RDH10: variants seen among roughly 807,000 people sequenced by gnomAD.
RDH10 encodes the protein retinol dehydrogenase 10.
In RDH10, 12 loss-of-function variants were observed where a neutral mutation model predicts 30.2. That is an observed-to-expected ratio of 0.40 (90% CI 0.25 to 0.64). The LOEUF is 0.64. Among genes scored for constraint, RDH10 ranks in the 30% least tolerant of loss-of-function variants. The pLI is 0.43. For synonymous variants in RDH10, 189 were observed against 172.2 expected (o/e 1.10, Z -0.76); for missense variants, 268 against 445.2 (o/e 0.60, Z 3.58).
At chr8:73,303,138 C>A (rs1171051668) in intron 2 of RDH10, among the ~76,000 whole-genome samples, 1 of 152,096 alleles carries the variant, frequency 6.6e-6, no homozygotes, top group Non-Finnish European at 1.5e-5. Flanking sequence ...TTATCTATAT[C>A]CAAATGTCTA....
At position 73,294,960 on chromosome 8, in the gene RDH10, C is replaced by G; in HGVS notation, c.-330C>G. On this transcript the variant is annotated 5_prime_UTR_variant, in exon 1 of 6. Coordinates refer to ENST00000240285, the MANE Select transcript of RDH10 (RefSeq NM_172037.5). ...CATGAGGGCAGTTCGAGTAGTCTAACTCGCGGCTGTCACCGCCACTGCAGC... is the reference window on the plus strand; with the variant it reads ...CATGAGGGCAGTTCGAGTAGTCTAAGTCGCGGCTGTCACCGCCACTGCAGC... 2 of 392,000 alleles carry G rather than the reference C, an allele frequency of 5.1e-6. No homozygotes were observed. The allele number at this position is 392,000 out of a possible 1,614,324, so 24.3% of individuals were successfully genotyped here. A position where few individuals can be genotyped will look rare whatever the true frequency, so the allele number is the denominator to read the frequency against.
intron 2 of RDH10, among the ~76,000 whole-genome samples, chr8:73,314,632 A>G (rs917078735): frequency 1.3e-5 from 2 of 152,126 alleles, no homozygotes; most frequent in Admixed American, 6.5e-5. Context: ...AGCTGAGTAA[A>G]TGTTTGACAC....
Position 73,323,130 on chromosome 8 carries a change from A to C in RDH10, c.*94A>C. 9.8e-7 allele frequency: 1 copy of C among 1,017,514 alleles called. No homozygotes were observed. Among genetic ancestry groups the C allele is most frequent in the South Asian group, 1.4e-5 (1 of 69,926 alleles). The allele number at this position is 1,017,514 out of a possible 1,614,324, so 63.0% of individuals were successfully genotyped here. The stretch of plus-strand genomic sequence containing the variant: ...GCATTGCTGACATTTTATGGATTCT[A>C]AACTTGTGTTGTTTCTTTTTTAAAT... On this transcript the variant is annotated 3_prime_UTR_variant, in exon 6 of 6. Coordinates refer to ENST00000240285, the MANE Select transcript of RDH10 (RefSeq NM_172037.5).
chr8:73,321,482 G>A (rs141830852), intron 4 of RDH10, among the ~76,000 whole-genome samples: 2,158 of 152,252 alleles, frequency 0.014, 62 homozygotes, highest in African/African-American at 0.049. Flanking sequence ...AGAGAGTAAC[G>A]TGCCTTTCTT....
chr8:73,297,435 T>C lies in RDH10; in HGVS notation c.525+6T>C. ...ATTGCCATGCACACTTCTGGGTAAA[T>C]ATAAACATCCTTGTTTTCTTTGCTG... On this transcript the variant is annotated splice_donor_region_variant and intron_variant, in intron 2 of 5. Coordinates refer to ENST00000240285, the MANE Select transcript of RDH10 (RefSeq NM_172037.5). 1 of 1,581,002 alleles carries C rather than the reference T, an allele frequency of 6.3e-7. No individual in the cohort carries two copies. The highest frequency in any genetic ancestry group is 8.7e-7 in the Non-Finnish European group (1 of 1,149,906).
intron 1 of RDH10, 66 bp from the exon 2 acceptor site, chr8:73,297,128 G>GTGAC (rs1375077316): frequency 6.6e-6 from 6 of 905,802 alleles, no homozygotes; most frequent in Admixed American, 3.7e-5. Context: ...TGATCGCCAT[G>GTGAC]TGACTCACTT....
intron 2 of RDH10, among the ~76,000 whole-genome samples, chr8:73,314,194 G>A (rs752052725): frequency 6.6e-5 from 10 of 152,300 alleles, no homozygotes; most frequent in Non-Finnish European, 1.5e-4. Context: ...ATAATTCATT[G>A]CAAAGTGCCA....
chr8:73,299,378 G>T (rs780840865), intron 2 of RDH10, among the ~76,000 whole-genome samples: 2 of 152,146 alleles, frequency 1.3e-5, no homozygotes, highest in African/African-American at 2.4e-5. Context: ...ACTTGACATA[G>T]AATTTATCAA....
chr8:73,321,426 T>C (rs2130382781), intron 4 of RDH10, among the ~76,000 whole-genome samples: 1 of 152,362 alleles, frequency 6.6e-6, no homozygotes, highest in East Asian at 1.9e-4. Context: ...AGAAGAAAAT[T>C]CCTTCATGTG....
intron 2 of RDH10, among the ~76,000 whole-genome samples, chr8:73,314,729 T>A (rs1478674383): frequency 2.0e-5 from 3 of 152,198 alleles, no homozygotes; most frequent in Non-Finnish European, 4.4e-5. Context: ...TCCGCGCAGC[T>A]CTTTGGTGGT....
At position 73,295,245 on chromosome 8, in the gene RDH10, G is replaced by C; in HGVS notation, c.-45G>C. On this transcript the variant is annotated 5_prime_UTR_variant, in exon 1 of 6. Coordinates refer to ENST00000240285, the MANE Select transcript of RDH10 (RefSeq NM_172037.5). The stretch of plus-strand genomic sequence containing the variant: ...AGCCCGATTGCCGGGCTCGGGGTGG[G>C]CGCGGACGCAGGCACTGGGCTCGTG... The C allele has an allele frequency of 1.3e-6, 2 of 1,497,116 alleles. No individual in the cohort carries two copies. The highest frequency in any genetic ancestry group is 8.9e-7 in the Non-Finnish European group (1 of 1,126,808). 92.7% of individuals were successfully genotyped at this position (1,497,116 alleles called of 1,614,324 possible).
intron 2 of RDH10, among the ~76,000 whole-genome samples, chr8:73,316,423 C>T (rs1204834217): frequency 6.6e-6 from 1 of 152,122 alleles, no homozygotes; most frequent in Non-Finnish European, 1.5e-5. Context: ...TAAAGTTGAA[C>T]CCATAATAAC....
intron 2 of RDH10, among the ~76,000 whole-genome samples, chr8:73,302,801 T>G (rs1814402108): frequency 6.6e-6 from 1 of 152,256 alleles, no homozygotes; most frequent in Non-Finnish European, 1.5e-5. Context: ...TGTTATTTTT[T>G]AAGAGAAGTA....
At chr8:73,300,088 C>T (rs191682926) in intron 2 of RDH10, among the ~76,000 whole-genome samples, 12 of 152,234 alleles carry the variant, frequency 7.9e-5, no homozygotes, top group Admixed American at 5.9e-4. Flanking sequence ...ATGGTAATGA[C>T]GTCACTTTGT....
intron 2 of RDH10, among the ~76,000 whole-genome samples, chr8:73,306,529 C>G (rs528223518): frequency 1.1e-4 from 17 of 152,254 alleles, no homozygotes; most frequent in Non-Finnish European, 2.4e-4. Flanking sequence ...AAACTTTCAA[C>G]ACTGCAGCAA....
Position 73,294,793 on chromosome 8 carries a change from C to G in RDH10, c.-497C>G. On this transcript the variant is annotated 5_prime_UTR_variant, in exon 1 of 6. Transcript: ENST00000240285. The stretch of plus-strand genomic sequence containing the variant: ...CTCCGCCGCCCCGCACCCCACTCTC[C>G]CACCCTCTCGCAACTTGGGTCGAGT... 2.7e-6 allele frequency: 1 copy of G among 369,774 alleles called. No homozygotes were observed. The highest frequency in any genetic ancestry group is 4.8e-6 in the Non-Finnish European group (1 of 207,350). The allele number at this position is 369,774 out of a possible 1,614,324, so 22.9% of individuals were successfully genotyped here. A position where few individuals can be genotyped will look rare whatever the true frequency, so the allele number is the denominator to read the frequency against.
chr8:73,295,235 C>T lies in RDH10; in HGVS notation c.-55C>T. ...CGGAGCCGGGAGCCCGATTGCCGGG[C>T]TCGGGGTGGGCGCGGACGCAGGCAC... On this transcript the variant is annotated 5_prime_UTR_variant, in exon 1 of 6. Coordinates refer to ENST00000240285, the MANE Select transcript of RDH10 (RefSeq NM_172037.5). 1 of 1,445,056 alleles carries T rather than the reference C, an allele frequency of 6.9e-7. No individual in the cohort carries two copies. The highest frequency in any genetic ancestry group is 9.2e-7 in the Non-Finnish European group (1 of 1,092,302). 89.5% of individuals were successfully genotyped at this position (1,445,056 alleles called of 1,614,324 possible).
intron 3 of RDH10, 145 bp downstream of exon 3, chr8:73,319,339 C>T (rs1814726077): frequency 1.7e-6 from 1 of 579,380 alleles, no homozygotes; most frequent in Admixed American, 3.2e-5. Flanking sequence ...GTAGAATGTT[C>T]CACAGGAACC....
chr8:73,319,272 C>T (rs1325154639), intron 3 of RDH10, 78 bp downstream of exon 3: 9 of 925,644 alleles, frequency 9.7e-6, no homozygotes, highest in African/African-American at 5.0e-5. Context: ...CAGGAGAGCA[C>T]CTGCTGCCCC....
Sources: gnomAD v4.1 joint callset for allele counts (sites outside exome capture counted in the v4.1 genomes callset) on GRCh38, gnomAD v4.1.1 for gene constraint, MANE v1.5 for transcripts, NCBI Gene and HGNC (gene_info 2026-07-23, HGNC 2026-07-21) for gene names.